The following SMYD3 variants were observed in gnomAD, a reference collection of about 807,000 sequenced individuals.
The protein encoded by SMYD3 is histone-lysine N-methyltransferase SMYD3.
A neutral mutation model predicts 57.7 loss-of-function variants in SMYD3; 36 were observed. The ratio of observed to expected loss-of-function variants is 0.62; its 90% CI spans 0.48 to 0.82. SMYD3 has a LOEUF of 0.82. SMYD3 is among the 40% of genes least tolerant of loss of function. The pLI is 0.00. For missense variants in SMYD3, 515 were observed against 538.8 expected (o/e 0.96, Z 0.44); for synonymous variants, 211 against 195.0 (o/e 1.08, Z -0.68).
intron 5 of SMYD3, among the ~76,000 whole-genome samples, chr1:246,225,343 A>AAC: frequency 8.5e-6 from 1 of 117,028 alleles, no homozygotes. Flanking sequence ...AAAAAAAAAA[A>AAC]AAAAAAAAAA....
At chr1:245,932,628 T>C (rs1276371829) in intron 5 of SMYD3, among the ~76,000 whole-genome samples, 1 of 152,150 alleles carries the variant, frequency 6.6e-6, no homozygotes, top group Non-Finnish European at 1.5e-5. Context: ...GGTGCGATCA[T>C]GGCTCACTGC....
chr1:245,764,250 T>C, intron 10 of SMYD3, 101 bp from the exon 11 acceptor site: 2 of 744,160 alleles, frequency 2.7e-6, no homozygotes, highest in Non-Finnish European at 4.7e-6. Flanking sequence ...TAGCTGTGAA[T>C]GTTAATGAGC....
At chr1:245,913,415 G>A (rs937008099) in intron 8 of SMYD3, among the ~76,000 whole-genome samples, 2 of 151,522 alleles carry the variant, frequency 1.3e-5, no homozygotes, top group Non-Finnish European at 2.9e-5. Context: ...TAATGTAAAT[G>A]ACAAGTTAAT....
chr1:245,775,868 T>C lies in SMYD3; in HGVS notation c.1077-11719A>G, dbSNP rs1302750052. Among the ~76,000 whole-genome samples, 5 of 151,656 alleles carry C rather than the reference T, an allele frequency of 3.3e-5. No individual in the cohort carries two copies. In the East Asian group the frequency reaches 9.6e-4, roughly 29 times the overall value. On this transcript the variant is annotated intron_variant, in intron 10 of 11. Transcript: ENST00000490107. ...TGTCACCAGATCTTCACAAAAGGAA[T>C]TTCTAACATTTTAGTTGAAAGGAAA...
intron 1 of SMYD3, among the ~76,000 whole-genome samples, chr1:246,412,073 A>G (rs958102105): frequency 6.6e-6 from 1 of 151,592 alleles, no homozygotes; most frequent in Admixed American, 6.6e-5. Context: ...TGCGTTAACT[A>G]CCTTTCTCAC....
chr1:246,078,590 CGAA>C (rs2060585626), intron 5 of SMYD3, among the ~76,000 whole-genome samples: 2 of 152,028 alleles, frequency 1.3e-5, no homozygotes, highest in East Asian at 1.9e-4. Flanking sequence ...AATGGAGAGT[CGAA>C]GAAGAATAGT....
intron 1 of SMYD3, among the ~76,000 whole-genome samples, chr1:246,405,909 CAA>C (rs372884120): frequency 1.3e-4 from 11 of 87,392 alleles, no homozygotes; most frequent in East Asian, 3.2e-4. Flanking sequence ...GACTCTGTCT[CAA>C]AAAAAAAAAA....
chr1:246,420,164 A>T (rs976925247), intron 1 of SMYD3, among the ~76,000 whole-genome samples: 3 of 150,898 alleles, frequency 2.0e-5, no homozygotes, highest in Non-Finnish European at 4.4e-5. Context: ...GTGCCACTGC[A>T]CCCCAGCCTG....
chr1:245,761,389 T>C lies in SMYD3; in HGVS notation c.1185+2652A>G, dbSNP rs116612999. On this transcript the variant is annotated intron_variant, in intron 11 of 11. Coordinates refer to ENST00000490107, the MANE Select transcript of SMYD3 (RefSeq NM_001167740.2). ...AGGGATGTAAAGGGCAGTAAGAGGG[T>C]CATCTGAAGGGCTGGTGATGGTCAG... is the stretch of plus-strand genomic sequence containing the variant. Among the ~76,000 whole-genome samples the C allele has an allele frequency of 9.0e-3, 1,367 of 152,116 alleles. 19 individuals are homozygous for C. The highest frequency in any genetic ancestry group is 0.026 in the African/African-American group (1,062 of 41,482).
At chr1:245,835,122 CTTTTTT>C (rs11449373) in intron 10 of SMYD3, among the ~76,000 whole-genome samples, 1 of 134,062 alleles carries the variant, frequency 7.5e-6, no homozygotes, top group Non-Finnish European at 1.6e-5. Flanking sequence ...GGCAGGTTTC[CTTTTTT>C]TTTTTTTTTT....
chr1:245,937,399 C>A (rs989816776), intron 5 of SMYD3, among the ~76,000 whole-genome samples: 1 of 152,164 alleles, frequency 6.6e-6, no homozygotes, highest in Non-Finnish European at 1.5e-5. Context: ...AACTTATAAA[C>A]AACTATCCTT....
intron 1 of SMYD3, among the ~76,000 whole-genome samples, chr1:246,452,833 TA>T (rs751717210): frequency 2.0e-5 from 3 of 152,214 alleles, no homozygotes; most frequent in Non-Finnish European, 2.9e-5. Context: ...TATCAGTCTA[TA>T]ACTTTCTAAT....
intron 10 of SMYD3, among the ~76,000 whole-genome samples, chr1:245,767,269 C>T (rs555324048): frequency 6.6e-6 from 1 of 152,070 alleles, no homozygotes; most frequent in Non-Finnish European, 1.5e-5. Context: ...GTCCAAGGAC[C>T]GTGAGGACTA....
Position 246,243,990 on chromosome 1 carries a change from C to CAT in SMYD3, c.531+83209_531+83210dup, listed in dbSNP as rs374625806. On this transcript the variant is annotated intron_variant, in intron 5 of 11. Transcript: ENST00000490107. ...CTTGGGAGACATATATGTGTATATA[C>CAT]ATATATATACACGTATATATGTACA... Among the ~76,000 whole-genome samples, 5 of 96,368 alleles carry CAT rather than the reference C, an allele frequency of 5.2e-5. 1 individual carries two copies. Among genetic ancestry groups the CAT allele is most frequent in the Non-Finnish European group, 1.0e-4 (5 of 47,634 alleles). The allele number at this position is 96,368 out of a possible 152,430, so 63.2% of individuals were successfully genotyped here.
At chr1:245,878,203 T>C (rs12028528) in intron 8 of SMYD3, among the ~76,000 whole-genome samples, 91,189 of 152,038 alleles carry the variant, frequency 0.6, 30,286 homozygotes, top group Non-Finnish European at 0.77. Context: ...AGTGTGCAGA[T>C]GACTCAAGGG....
chr1:246,041,121 T>G (rs1162346980), intron 5 of SMYD3, among the ~76,000 whole-genome samples: 1 of 152,222 alleles, frequency 6.6e-6, no homozygotes, highest in African/African-American at 2.4e-5. Context: ...AGTAACATGC[T>G]GTTCGGGTTT....
At chr1:245,945,162 A>C (rs1320655191) in intron 5 of SMYD3, among the ~76,000 whole-genome samples, 1 of 152,212 alleles carries the variant, frequency 6.6e-6, no homozygotes, top group Non-Finnish European at 1.5e-5. Context: ...GAGCTTTCGC[A>C]CAGCAAAAGA....
Position 246,507,139 on chromosome 1 carries a change from C to T in SMYD3, c.79G>A (p.Gly27Arg). The part of the protein sequence containing the change: ...GLRAVTPLRP[G>R]ELLFRSDPLA... ...GGATCCGAGCGGAAGAGTAGCTCTC[C>T]GGGGCGCAGCGGGGTCACGGCGCGC... is the stretch of plus-strand genomic sequence containing the variant. Residue 27 changes from glycine (G) to arginine (R), a missense_variant, in exon 1 of 12, where the codon GGA becomes AGA. Physicochemically the swap from Gly to Arg is moderately radical, Grantham distance 125. Coordinates refer to ENST00000490107, the MANE Select transcript of SMYD3 (RefSeq NM_001167740.2). 6.5e-7 allele frequency: 1 copy of T among 1,533,954 alleles called. No individual in the cohort carries two copies. Among genetic ancestry groups the T allele is most frequent in the Non-Finnish European group, 8.8e-7 (1 of 1,140,392 alleles).
Position 246,346,060 on chromosome 1 carries a change from G to A in SMYD3, c.228+8971C>T, listed in dbSNP as rs529375325. Among the ~76,000 whole-genome samples the A allele has an allele frequency of 2.6e-5, 4 of 152,202 alleles. No individual in the cohort carries two copies. In the East Asian group the frequency reaches 7.7e-4, roughly 29 times the overall value. On this transcript the variant is annotated intron_variant, in intron 2 of 11. Transcript: ENST00000490107. The stretch of plus-strand genomic sequence containing the variant: ...AGCACTGTGGGAGGCCAAGGGGGGT[G>A]GATCAAGAGGTCAGGAGATCGAGAC...
Sources: allele counts gnomAD v4.1 joint callset (sites outside exome capture counted in the v4.1 genomes callset), GRCh38; gene constraint gnomAD v4.1.1; transcripts MANE v1.5; gene names NCBI Gene and HGNC (gene_info 2026-07-23, HGNC 2026-07-21).